The following SLC6A3 variants were observed in gnomAD, a reference collection of about 807,000 sequenced individuals.
SLC6A3 encodes the protein solute carrier family 6 member 3.
In SLC6A3, 19 loss-of-function variants were observed where a neutral mutation model predicts 70.4. The observed-to-expected ratio is 0.27, with a 90% CI of 0.19 to 0.40. SLC6A3 has a LOEUF of 0.40. Ranked by LOEUF, SLC6A3 falls within the 10% of genes least tolerant of loss-of-function variation. SLC6A3 has a pLI of 1.00. For synonymous variants in SLC6A3, 368 were observed against 356.6 expected, an observed-to-expected ratio of 1.03 and a Z score of -0.36; for missense variants, 613 against 838.5, an observed-to-expected ratio of 0.73 and a Z score of 3.32.
chr5:1,443,139 T>G lies in SLC6A3; in HGVS notation c.59A>C (p.Glu20Ala), dbSNP rs371649161. The G allele has an allele frequency of 5.6e-6, 9 of 1,614,070 alleles. No individual in the cohort carries two copies. Among genetic ancestry groups the G allele is most frequent in the Non-Finnish European group, 7.6e-6 (9 of 1,180,002 alleles). The change falls in exon 2 of 15, where the codon GAG becomes GCG. Residue 20 changes from glutamate (E) to alanine (A), a missense_variant. Around this residue, in one of 4 missense-constraint regions of SLC6A3, gnomAD observed 111 missense variants for 91.6 expected, o/e 1.21. Coordinates refer to ENST00000270349, the MANE Select transcript of SLC6A3 (RefSeq NM_001044.5). ...LMSSVVAPAK[E>A]PNAVGPKEVE... Reference sequence around the variant, plus strand: ...CTCCTTCGGGCCCACGGCATTGGGCTCCTTAGCCGGGGCCACCACGGAAGA... The same window carrying G: ...CTCCTTCGGGCCCACGGCATTGGGCGCCTTAGCCGGGGCCACCACGGAAGA...
chr5:1,422,111 A>C, intron 4 of SLC6A3, 97 bp from the exon 5 acceptor site: 3 of 1,312,892 alleles, frequency 2.3e-6, no homozygotes, highest in Non-Finnish European at 3.2e-6. Context: ...TCCCCATCTC[A>C]GCAGGGCAGA....
rs1579700071 is a variant in SLC6A3, at chr5:1,401,726, GC to G, written c.1768-741del. The stretch of plus-strand genomic sequence containing the variant: ...GTAAGGGCGCTGGCTGTTCAGGTCC[GC>G]CGGGCTGTAGGCATCCTCCAGCTCT... On this transcript the variant is annotated intron_variant, in intron 13 of 14. Coordinates refer to ENST00000270349, the MANE Select transcript of SLC6A3 (RefSeq NM_001044.5). The surrounding 1 kb of genome is among the most constrained non-coding windows in gnomAD (Gnocchi z 6.1). 6.6e-6 allele frequency among the ~76,000 whole-genome samples: 1 copy of G among 152,208 alleles called. No homozygotes were observed. The highest frequency in any genetic ancestry group is 2.4e-5 in the African/African-American group (1 of 41,450).
Position 1,442,848 on chromosome 5 carries a change from G to A in SLC6A3, c.286+64C>T. ...TCATCTCGTTTCCGTACGTGCCTTGGCCCCGGCTGCCCCTACGACCCCCGC... is the reference window on the plus strand; with the variant it reads ...TCATCTCGTTTCCGTACGTGCCTTGACCCCGGCTGCCCCTACGACCCCCGC... On this transcript the variant is annotated intron_variant, in intron 2 of 14. Coordinates refer to ENST00000270349, the MANE Select transcript of SLC6A3 (RefSeq NM_001044.5). The surrounding 1 kb of genome is among the most constrained non-coding windows in gnomAD (Gnocchi z 5.0). The A allele has an allele frequency of 1.3e-6, 2 of 1,547,112 alleles. No homozygotes were observed. The highest frequency in any genetic ancestry group is 8.9e-7 in the Non-Finnish European group (1 of 1,120,488).
At position 1,414,484 on chromosome 5, in the gene SLC6A3, T is replaced by TGGGTGGGGGGCCA. The variant is rs1560913014; in HGVS notation, c.1156+206_1156+207insTGGCCCCCCACCC. Among the ~76,000 whole-genome samples, 2 of 21,454 alleles carry TGGGTGGGGGGCCA rather than the reference T, an allele frequency of 9.3e-5. 1 individual carries two copies. Among genetic ancestry groups the TGGGTGGGGGGCCA allele is most frequent in the Non-Finnish European group, 1.8e-4 (2 of 10,952 alleles). 14.1% of individuals were successfully genotyped at this position (21,454 alleles called of 152,430 possible). A position where few individuals can be genotyped will look rare whatever the true frequency, so the allele number is the denominator to read the frequency against. ...CGGGGAAGGCGCTGGGTGGGGGGCCTGGAGGGTCAGGGCGGGGAAGGCGCT... is the reference window on the plus strand; with the variant it reads ...CGGGGAAGGCGCTGGGTGGGGGGCCTGGGTGGGGGGCCAGGAGGGTCAGGGCGGGGAAGGCGCT... On this transcript the variant is annotated intron_variant, in intron 8 of 14. Coordinates refer to ENST00000270349, the MANE Select transcript of SLC6A3 (RefSeq NM_001044.5).
At chr5:1,424,381 G>A (rs909674399) in intron 4 of SLC6A3, among the ~76,000 whole-genome samples, 5 of 152,152 alleles carry the variant, frequency 3.3e-5, no homozygotes, top group African/African-American at 1.2e-4. Flanking sequence ...AGTCCCCGTC[G>A]TTCTGCTCCC....
intron 11 of SLC6A3, among the ~76,000 whole-genome samples, chr5:1,407,306 C>T (rs570676479): frequency 1.3e-5 from 2 of 152,182 alleles, no homozygotes; most frequent in African/African-American, 2.4e-5. Flanking sequence ...TTCACACCCA[C>T]CCGGCATCCG....
At position 1,442,775 on chromosome 5, in the gene SLC6A3, G is replaced by T. The variant is rs551791114; in HGVS notation, c.286+137C>A. On this transcript the variant is annotated intron_variant, in intron 2 of 14. Coordinates refer to ENST00000270349, the MANE Select transcript of SLC6A3 (RefSeq NM_001044.5). This position sits in a 1 kb window ranked among gnomAD's most constrained non-coding sequence, Gnocchi z 5.0. ...GACATCCTCTGGGAGGATCTGCACC[G>T]GCCGTGAGCTCTCACAGGGAGCTCC... 3 of 867,668 alleles carry T rather than the reference G, an allele frequency of 3.5e-6. No individual in the cohort carries two copies. Among genetic ancestry groups the T allele is most frequent in the East Asian group, 2.4e-5 (1 of 41,320 alleles). 53.7% of individuals were successfully genotyped at this position (867,668 alleles called of 1,614,324 possible). A position where few individuals can be genotyped will look rare whatever the true frequency, so the allele number is the denominator to read the frequency against.
chr5:1,394,182 G>A lies in SLC6A3; in HGVS notation c.*553C>T, dbSNP rs145747191. ...TGTGTCAACTGAACGCTCAATTTAC[G>A]GCCTCTGCTGGGAGCCACGCATCGG... On this transcript the variant is annotated 3_prime_UTR_variant, in exon 15 of 15. Coordinates refer to ENST00000270349, the MANE Select transcript of SLC6A3 (RefSeq NM_001044.5). The surrounding 1 kb of genome is among the most constrained non-coding windows in gnomAD (Gnocchi z 4.7). 3.2e-3 allele frequency: 566 copies of A among 178,102 alleles called. 4 individuals are homozygous for A. Among genetic ancestry groups the A allele is most frequent in the African/African-American group, 0.01 (430 of 42,240 alleles). 11.0% of individuals were successfully genotyped at this position (178,102 alleles called of 1,614,324 possible). A position where few individuals can be genotyped will look rare whatever the true frequency, so the allele number is the denominator to read the frequency against.
rs1408789978 is a variant in SLC6A3, at chr5:1,406,854, T to C, written c.1499-566A>G. Reference sequence around the variant, plus strand: ...ACCATCTGCTTTTTGTCTCAATGAATGTGACTCCTGTGGGAACCTCCCGTC... The same window carrying C: ...ACCATCTGCTTTTTGTCTCAATGAACGTGACTCCTGTGGGAACCTCCCGTC... On this transcript the variant is annotated intron_variant, in intron 11 of 14. Coordinates refer to ENST00000270349, the MANE Select transcript of SLC6A3 (RefSeq NM_001044.5). The surrounding 1 kb of genome is among the most constrained non-coding windows in gnomAD (Gnocchi z 8.8). Among the ~76,000 whole-genome samples the C allele has an allele frequency of 6.7e-6, 1 of 149,228 alleles. No homozygotes were observed. Among genetic ancestry groups the C allele is most frequent in the Non-Finnish European group, 1.5e-5 (1 of 65,958 alleles).
intron 6 of SLC6A3, chr5:1,416,623 C>T (rs774153590): frequency 2.4e-5 from 8 of 333,856 alleles, no homozygotes; most frequent in South Asian, 1.5e-4. Context: ...TAGAACAGCA[C>T]GGACTCACCC....
intron 10 of SLC6A3, 99 bp from the exon 11 acceptor site, chr5:1,409,224 C>T (rs1756057046): frequency 2.2e-6 from 2 of 894,954 alleles, no homozygotes; most frequent in Non-Finnish European, 3.6e-6. Context: ...TCACTCACTG[C>T]AAAACTCTGG....
chr5:1,440,051 G>A (rs1442321177), intron 3 of SLC6A3, among the ~76,000 whole-genome samples: 1 of 152,240 alleles, frequency 6.6e-6, no homozygotes, highest in Non-Finnish European at 1.5e-5. Flanking sequence ...AACACGAGGT[G>A]TGTCCATTTC....
chr5:1,419,169 A>G (rs1167142475), intron 6 of SLC6A3, among the ~76,000 whole-genome samples: 1 of 148,082 alleles, frequency 6.8e-6, no homozygotes, highest in Non-Finnish European at 1.5e-5. Context: ...CCATCCATCC[A>G]TACTATCCAG....
chr5:1,414,615 C>G (rs1003081534), intron 8 of SLC6A3, 76 bp downstream of exon 8: 22 of 1,551,772 alleles, frequency 1.4e-5, no homozygotes, highest in Non-Finnish European at 1.9e-5. Flanking sequence ...TCCTCTTTCA[C>G]AAGGAAAAAG....
At chr5:1,423,944 C>T (rs539305717) in intron 4 of SLC6A3, among the ~76,000 whole-genome samples, 2 of 152,332 alleles carry the variant, frequency 1.3e-5, no homozygotes, top group South Asian at 2.1e-4. Flanking sequence ...TGGTGGAGCC[C>T]GGCCGAATGC....
At chr5:1,422,367 ACTGCCCAGT>A (rs1756459834) in intron 4 of SLC6A3, among the ~76,000 whole-genome samples, 1 of 105,272 alleles carries the variant, frequency 9.5e-6, no homozygotes, top group Non-Finnish European at 2.0e-5. Context: ...GGTGCCCACC[ACTGCCCAGT>A]GCTGCCCAAG....
Position 1,403,080 on chromosome 5 carries a change from C to T in SLC6A3, c.1609G>A (p.Val537Met), listed in dbSNP as rs770121366. The T allele has an allele frequency of 1.1e-5, 17 of 1,613,458 alleles. No homozygotes were observed. The highest frequency in any genetic ancestry group is 5.3e-5 in the African/African-American group (4 of 74,916). The change falls in exon 13 of 15, where the codon GTG (valine) becomes ATG (methionine). Residue 537 changes from valine (V) to methionine (M), a missense_variant. This residue lies in a region of SLC6A3 where 348 missense variants were observed against 481.2 expected (regional missense o/e 0.72). Transcript: ENST00000270349. Reference protein sequence around the residue: ...VSPCFLLFVVVVSIVTFRPPH... With the variant: ...VSPCFLLFVVMVSIVTFRPPH... ...GGTCTGAAGGTCACAATGCTGACCA[C>T]GACCACGAACTGCAACCAGCAGATA...
intron 4 of SLC6A3, among the ~76,000 whole-genome samples, chr5:1,430,143 C>G (rs1180838361): frequency 6.6e-6 from 1 of 152,102 alleles, no homozygotes; most frequent in Non-Finnish European, 1.5e-5. Flanking sequence ...GCCCCACCTT[C>G]TGAAACCAGC....
Position 1,406,251 on chromosome 5 carries a change from G to A in SLC6A3, c.1536C>T (p.Thr512=), listed in dbSNP as rs754071989. Residue 512 remains threonine, a synonymous_variant, in exon 12 of 15, where the codon ACC becomes ACT. Transcript: ENST00000270349. This position sits in a 1 kb window ranked among gnomAD's most constrained non-coding sequence, Gnocchi z 8.8. ...GQFSDDIQQM[T]GQRPSLYWRL... is the part of the protein sequence containing the mutation. ...GCCAGTACAGGCTGGGCCGCTGCCC[G>A]GTCATCTGCTGGATGTCGTCGCTGA... 1.1e-5 allele frequency: 17 copies of A among 1,612,864 alleles called. No individual in the cohort carries two copies. Among genetic ancestry groups the A allele is most frequent in the Admixed American group, 1.0e-4 (6 of 60,010 alleles).
Sources: allele counts gnomAD v4.1 joint callset (sites outside exome capture counted in the v4.1 genomes callset), GRCh38; gene constraint gnomAD v4.1.1; regional missense constraint gnomAD v4.1.1; non-coding constraint Gnocchi (gnomAD v3.1); transcripts MANE v1.5; gene names NCBI Gene and HGNC (gene_info 2026-07-23, HGNC 2026-07-21).